The following PARD3B variants were observed in gnomAD, a reference collection of about 807,000 sequenced individuals.
The protein encoded by PARD3B is par-3 family cell polarity regulator beta.
A neutral mutation model predicts 130.2 loss-of-function variants in PARD3B; 103 were observed. That is an observed-to-expected ratio of 0.79 (90% CI 0.67 to 0.93). The LOEUF is 0.93. PARD3B is among the 40% of genes least tolerant of loss of function. The pLI is 0.00. For synonymous variants in PARD3B, 583 were observed against 553.2 expected (o/e 1.05, Z -0.76); for missense variants, 1,609 against 1,499.2 (o/e 1.07, Z -1.21).
intron 2 of PARD3B, among the ~76,000 whole-genome samples, chr2:204,793,723 G>T (rs2042273365): frequency 6.6e-6 from 1 of 152,164 alleles, no homozygotes; most frequent in South Asian, 2.1e-4. Context: ...TGGCCAGGCT[G>T]GTCTTGAACT....
chr2:205,205,036 G>A (rs965210201), intron 15 of PARD3B, among the ~76,000 whole-genome samples: 1 of 152,132 alleles, frequency 6.6e-6, no homozygotes, highest in Non-Finnish European at 1.5e-5. Context: ...AAATTACTTT[G>A]GGCAGTATGG....
At chr2:205,060,687 T>C (rs1293363650) in intron 4 of PARD3B, among the ~76,000 whole-genome samples, 1 of 152,108 alleles carries the variant, frequency 6.6e-6, no homozygotes, top group East Asian at 1.9e-4. Context: ...TAATAATGAA[T>C]GTTGATAATT....
intron 2 of PARD3B, among the ~76,000 whole-genome samples, chr2:204,868,393 A>C (rs2045507102): frequency 6.6e-6 from 1 of 152,180 alleles, no homozygotes; most frequent in Non-Finnish European, 1.5e-5. Flanking sequence ...TATAATTTAC[A>C]TATGTTCCCA....
rs186447045 is a variant in PARD3B at position 204,865,125 on chromosome 2, A to T, written c.223-100027A>T. ...GAACGGCCATAATAAAAAAAAATAG[A>T]TGTTGGCATAGATGTGGTAAAAAGA... On this transcript the variant is annotated intron_variant, in intron 2 of 22. Coordinates refer to ENST00000406610, the MANE Select transcript of PARD3B (RefSeq NM_001302769.2). Among the ~76,000 whole-genome samples, 55 of 152,272 alleles carry T rather than the reference A, an allele frequency of 3.6e-4. No homozygotes were observed. The East Asian group carries it at 9.9e-3, about 27-fold the overall frequency.
intron 2 of PARD3B, among the ~76,000 whole-genome samples, chr2:204,694,791 G>T (rs897576043): frequency 2.6e-5 from 4 of 151,918 alleles, no homozygotes; most frequent in African/African-American, 9.7e-5. Context: ...AGTGTGTATG[G>T]GTGTATGTGT....
intron 2 of PARD3B, among the ~76,000 whole-genome samples, chr2:204,935,036 G>A (rs545632565): frequency 1.4e-4 from 21 of 152,108 alleles, no homozygotes; most frequent in South Asian, 2.1e-4. Context: ...TTTGTTATAT[G>A]ACGCTTGATT....
In PARD3B at chr2:204,987,366, G is replaced by C. The variant is rs112907456; in HGVS notation, c.394+22043G>C. Among the ~76,000 whole-genome samples, 17 of 152,214 alleles carry C rather than the reference G, an allele frequency of 1.1e-4. 1 individual carries two copies. Among genetic ancestry groups the C allele is most frequent in the Non-Finnish European group, 1.6e-4 (11 of 68,030 alleles). On this transcript the variant is annotated intron_variant, in intron 3 of 22. Transcript: ENST00000406610. Reference sequence around the variant, plus strand: ...GAATTCTGAAAATATTGCCAGAATAGAATGCTTGTTGATTGATAAAATATG... The same window carrying C: ...GAATTCTGAAAATATTGCCAGAATACAATGCTTGTTGATTGATAAAATATG...
At chr2:205,215,305 C>A (rs2037850962) in intron 15 of PARD3B, among the ~76,000 whole-genome samples, 1 of 151,196 alleles carries the variant, frequency 6.6e-6, no homozygotes. Flanking sequence ...CAGCAACATC[C>A]TGTAAAGTTA....
At chr2:205,400,494 A>G (rs1404757235) in intron 18 of PARD3B, among the ~76,000 whole-genome samples, 1 of 152,102 alleles carries the variant, frequency 6.6e-6, no homozygotes, top group African/African-American at 2.4e-5. Flanking sequence ...TACAAAAATT[A>G]GCTGGGCATG....
At chr2:205,324,317 A>C (rs535880489) in intron 18 of PARD3B, among the ~76,000 whole-genome samples, 5 of 152,332 alleles carry the variant, frequency 3.3e-5, no homozygotes, top group African/African-American at 1.2e-4. Context: ...AATAAATAAA[A>C]TATATAGATA....
intron 2 of PARD3B, among the ~76,000 whole-genome samples, chr2:204,911,726 C>T (rs952809313): frequency 5.9e-5 from 9 of 152,148 alleles, no homozygotes; most frequent in African/African-American, 1.9e-4. Context: ...AGGGCATCTG[C>T]CCATAGCAAC....
chr2:205,478,093 C>T (rs1575119192), intron 20 of PARD3B, among the ~76,000 whole-genome samples: 2 of 152,322 alleles, frequency 1.3e-5, no homozygotes, highest in African/African-American at 2.4e-5. Context: ...TGTAGCTTTC[C>T]CTCCTGGCAT....
intron 4 of PARD3B, among the ~76,000 whole-genome samples, chr2:205,079,752 C>T (rs947760038): frequency 2.6e-4 from 39 of 151,930 alleles, no homozygotes; most frequent in African/African-American, 8.7e-4. Context: ...TAATATAAAC[C>T]ATAAATTTAT....
chr2:205,383,644 C>T lies in PARD3B; in HGVS notation c.2631-17369C>T, dbSNP rs530430884. 1.5e-4 allele frequency among the ~76,000 whole-genome samples: 23 copies of T among 152,042 alleles called. No individual in the cohort carries two copies. The South Asian group carries it at 4.8e-3, about 32-fold the overall frequency. ...ACGGTGAAATTCACTCTGTTGTATA[C>T]AGTTCTATGGGTTTTACAAGTGCAA... On this transcript the variant is annotated intron_variant, in intron 18 of 22. Coordinates refer to ENST00000406610, the MANE Select transcript of PARD3B (RefSeq NM_001302769.2).
chr2:204,598,314 G>C (rs987606149), intron 1 of PARD3B, among the ~76,000 whole-genome samples: 13 of 152,098 alleles, frequency 8.5e-5, no homozygotes, highest in Non-Finnish European at 1.6e-4. Flanking sequence ...GCAAAATTAA[G>C]AGTATAATTC....
intron 15 of PARD3B, among the ~76,000 whole-genome samples, chr2:205,200,225 C>A (rs1184433854): frequency 6.6e-6 from 1 of 152,076 alleles, no homozygotes; most frequent in African/African-American, 2.4e-5. Flanking sequence ...CTCATTGTCA[C>A]CTTGGAGAAA....
At chr2:205,599,469 T>C (rs1477800426) in intron 22 of PARD3B, among the ~76,000 whole-genome samples, 1 of 152,094 alleles carries the variant, frequency 6.6e-6, no homozygotes. Context: ...GCACCAACAT[T>C]TGAGAAAAGG....
chr2:204,684,906 T>C (rs2037005817), intron 1 of PARD3B, among the ~76,000 whole-genome samples: 1 of 152,176 alleles, frequency 6.6e-6, no homozygotes. Context: ...AAAGCCTAAC[T>C]AAGGAGAATT....
At chr2:205,130,065 G>T (rs189731529) in intron 10 of PARD3B, among the ~76,000 whole-genome samples, 4 of 152,248 alleles carry the variant, frequency 2.6e-5, no homozygotes, top group African/African-American at 9.6e-5. Context: ...CAACTATTTA[G>T]CTGTTTCTAG....
Sources: allele counts gnomAD v4.1 joint callset (sites outside exome capture counted in the v4.1 genomes callset), GRCh38; gene constraint gnomAD v4.1.1; transcripts MANE v1.5; gene names NCBI Gene and HGNC (gene_info 2026-07-23, HGNC 2026-07-21).